Variants in MYO1F observed in about 807,000 individuals in gnomAD.
MYO1F encodes myosin IF, also known as unconventional myosin-If.
In MYO1F, 60 loss-of-function variants were observed where a neutral mutation model predicts 146.6. The ratio of observed to expected loss-of-function variants is 0.41; its 90% CI spans 0.33 to 0.51. The LOEUF (loss-of-function observed/expected upper bound fraction) is 0.51. MYO1F is among the 20% of genes least tolerant of loss of function. The pLI is 0.25. For synonymous variants in MYO1F, 602 were observed against 602.1 expected (o/e 1.00, Z 0.00); for missense variants, 1,274 against 1,534.3 (o/e 0.83, Z 2.83).
In MYO1F at chr19:8,544,325, C is replaced by G; in HGVS notation, c.1496G>C (p.Gly499Ala). Residue 499 changes from glycine (G) to alanine (A), a missense_variant, in exon 14 of 28, where the codon GGC becomes GCC. By Grantham distance (60) the Gly-to-Ala change is moderately conservative. Coordinates refer to ENST00000644032, the MANE Select transcript of MYO1F (RefSeq NM_012335.4). ...THEHFNSWSA[G>A]FVIHHYAGKV... ...GCCAGCGTAGTGGTGGATGACGAAG[C>G]CGGCGCTCCAGCTGTTGAAATGCTC... The G allele has an allele frequency of 1.2e-6, 2 of 1,613,066 alleles. No homozygotes were observed. The highest frequency in any genetic ancestry group is 1.7e-6 in the Non-Finnish European group (2 of 1,179,860).
intron 1 of MYO1F, among the ~76,000 whole-genome samples, chr19:8,574,075 C>A (rs1286072601): frequency 6.6e-6 from 1 of 152,138 alleles, no homozygotes; most frequent in Non-Finnish European, 1.5e-5. Flanking sequence ...ATAACAGCAA[C>A]CACCGATGGT....
At chr19:8,542,757 C>T (rs2967767) in intron 14 of MYO1F, among the ~76,000 whole-genome samples, 14,718 of 151,742 alleles carry the variant, frequency 0.097, 863 homozygotes, top group East Asian at 0.13. Flanking sequence ...TGTGCCACCA[C>T]ACCTGGCTGA....
At chr19:8,522,092 G>T (rs1020060176) in intron 27 of MYO1F, among the ~76,000 whole-genome samples, 2 of 149,798 alleles carry the variant, frequency 1.3e-5, no homozygotes, top group African/African-American at 4.9e-5. Flanking sequence ...GCGCAATCTC[G>T]GCTCACTGCA....
chr19:8,568,041 G>T (rs1009463428), intron 1 of MYO1F, among the ~76,000 whole-genome samples: 32 of 152,148 alleles, frequency 2.1e-4, no homozygotes, highest in Non-Finnish European at 3.7e-4. Context: ...ATCTGGCAGA[G>T]TGGCCCTCTT....
chr19:8,539,598 A>AAC (rs1183343143), intron 16 of MYO1F, among the ~76,000 whole-genome samples: 16 of 152,032 alleles, frequency 1.1e-4, no homozygotes, highest in African/African-American at 2.7e-4. Context: ...TCTGTCTCAA[A>AAC]AAAAAAAATT....
In MYO1F at chr19:8,553,189, C is replaced by T. The variant is rs769799363; in HGVS notation, c.454G>A (p.Glu152Lys). ...DIILQSNPLL[E>K]AFGNAKTVRN... The stretch of plus-strand genomic sequence containing the variant: ...ACAGTCTTGGCGTTGCCGAAGGCCT[C>T]GAGCAGCGGGTTGGACTGCAGGATG... Residue 152 changes from glutamate to lysine, a missense_variant, in exon 6 of 28, where the codon GAG becomes AAG. Transcript: ENST00000644032. The T allele has an allele frequency of 2.5e-6, 4 of 1,613,990 alleles. No homozygotes were observed. Among genetic ancestry groups the T allele is most frequent in the African/African-American group, 1.3e-5 (1 of 74,882 alleles).
At chr19:8,562,213 G>T (rs1430160166) in intron 1 of MYO1F, among the ~76,000 whole-genome samples, 1 of 150,886 alleles carries the variant, frequency 6.6e-6, no homozygotes, top group Non-Finnish European at 1.5e-5. Flanking sequence ...GTGTTAGCCA[G>T]GATGGTCTTG....
At chr19:8,573,986 C>T (rs1352908732) in intron 1 of MYO1F, among the ~76,000 whole-genome samples, 2 of 152,160 alleles carry the variant, frequency 1.3e-5, no homozygotes, top group East Asian at 3.8e-4. Context: ...ACCACCATTG[C>T]TGATCATCAT....
At chr19:8,550,727 G>T in intron 8 of MYO1F, 33 bp from the exon 9 acceptor site, 1 of 1,613,156 alleles carries the variant, frequency 6.2e-7, no homozygotes, top group South Asian at 1.1e-5. Context: ...ACTGTGCCGT[G>T]AATCCTGGCC....
intron 16 of MYO1F, among the ~76,000 whole-genome samples, chr19:8,539,033 C>T (rs1348883629): frequency 2.6e-5 from 4 of 152,180 alleles, no homozygotes; most frequent in East Asian, 3.9e-4. Context: ...CGCCTGTAAT[C>T]CCAGCACTTT....
chr19:8,540,193 T>C lies in MYO1F; in HGVS notation c.1611-165A>G, dbSNP rs10411722. The C allele has an allele frequency of 0.015, 8,705 of 579,990 alleles. 141 individuals carry two copies. The highest frequency in any genetic ancestry group is 0.061 in the African/African-American group (3,294 of 53,600). The allele number at this position is 579,990 out of a possible 1,614,324, so 35.9% of individuals were successfully genotyped here. ...GCAGAGGGTTGGTTTTTTGGTTTGT[T>C]TTTTGAGGCAGGGCCTCGCTTTGTC... On this transcript the variant is annotated intron_variant, in intron 15 of 27. Transcript: ENST00000644032.
At position 8,541,930 on chromosome 19, in the gene MYO1F, A is replaced by G. The variant is rs895926018; in HGVS notation, c.1586T>C (p.Ile529Thr). ...RNRDVLFSDL[I>T]ELMQTSEQAF... ...CTGCTCACTGGTCTGCATCAGCTCT[A>G]TGAGGTCGGAGAAGAGAACGTCTCG... Residue 529 changes from isoleucine to threonine, a missense_variant, in exon 15 of 28, where the codon ATA (isoleucine) becomes ACA (threonine). Ile to Thr is a moderately conservative substitution (Grantham distance 89). This residue lies in a region of MYO1F where 900 missense variants were observed against 1,155.1 expected (regional missense o/e 0.78). Coordinates refer to ENST00000644032, the MANE Select transcript of MYO1F (RefSeq NM_012335.4). 6 of 1,613,254 alleles carry G rather than the reference A, an allele frequency of 3.7e-6. No homozygotes were observed. Among genetic ancestry groups the G allele is most frequent in the South Asian group, 2.2e-5 (2 of 91,086 alleles).
chr19:8,546,863 G>C (rs1197594397), intron 12 of MYO1F, among the ~76,000 whole-genome samples: 1 of 152,008 alleles, frequency 6.6e-6, no homozygotes, highest in African/African-American at 2.4e-5. Flanking sequence ...ATTTTTAGTA[G>C]AGATGGGGTT....
In MYO1F at chr19:8,555,640, C is replaced by T; in HGVS notation, c.141+19G>A. 6.2e-7 allele frequency: 1 copy of T among 1,614,064 alleles called. No homozygotes were observed. The highest frequency in any genetic ancestry group is 8.5e-7 in the Non-Finnish European group (1 of 1,179,998). ...CATTCCTTCCCTGCCTGCCCACCCCCAGCCTTGGCCCAGGGTACGAAGATG... is the reference window on the plus strand; with the variant it reads ...CATTCCTTCCCTGCCTGCCCACCCCTAGCCTTGGCCCAGGGTACGAAGATG... On this transcript the variant is annotated intron_variant, in intron 2 of 27. Coordinates refer to ENST00000644032, the MANE Select transcript of MYO1F (RefSeq NM_012335.4).
intron 17 of MYO1F, 38 bp downstream of exon 17, chr19:8,536,911 T>G: frequency 8.1e-7 from 1 of 1,233,284 alleles, no homozygotes; most frequent in Non-Finnish European, 1.1e-6. Flanking sequence ...CTGCAGGGCC[T>G]GGGGGGAATG....
rs150668644 is a variant in MYO1F at position 8,571,620 on chromosome 19, C to T, written c.3+5687G>A. 6.6e-3 allele frequency among the ~76,000 whole-genome samples: 969 copies of T among 146,050 alleles called. 14 individuals are homozygous for T. Among genetic ancestry groups the T allele is most frequent in the African/African-American group, 0.022 (879 of 39,296 alleles). On this transcript the variant is annotated intron_variant, in intron 1 of 27. Transcript: ENST00000644032. The stretch of plus-strand genomic sequence containing the variant: ...TTTTTGTATTTTTATTGTTTTGAGA[C>T]GGAGTCTTGCTCTCTCACCCAGGCT...
chr19:8,562,035 T>A (rs927147764), intron 1 of MYO1F, among the ~76,000 whole-genome samples: 1 of 150,976 alleles, frequency 6.6e-6, no homozygotes, highest in African/African-American at 2.4e-5. Context: ...TTTTCTTTTT[T>A]TTTCTTTTGT....
At chr19:8,540,928 T>G (rs1972936493) in intron 15 of MYO1F, among the ~76,000 whole-genome samples, 1 of 152,066 alleles carries the variant, frequency 6.6e-6, no homozygotes, top group Non-Finnish European at 1.5e-5. Context: ...GTTCAGATTC[T>G]GATAGTTCAG....
chr19:8,575,376 G>A (rs1201003538), intron 1 of MYO1F, among the ~76,000 whole-genome samples: 1 of 151,788 alleles, frequency 6.6e-6, no homozygotes, highest in Non-Finnish European at 1.5e-5. Context: ...CACCCGGCCG[G>A]GCATTAGATT....
Sources: allele counts gnomAD v4.1 joint callset (sites outside exome capture counted in the v4.1 genomes callset), GRCh38; gene constraint gnomAD v4.1.1; regional missense constraint gnomAD v4.1.1; transcripts MANE v1.5; gene names NCBI Gene and HGNC (gene_info 2026-07-23, HGNC 2026-07-21).